Variants in CRACD observed in about 807,000 individuals in gnomAD.
CRACD encodes the protein capping protein inhibiting regulator of actin dynamics.
A neutral mutation model predicts 106.8 loss-of-function variants in CRACD; 56 were observed. The ratio of observed to expected loss-of-function variants is 0.52; its 90% confidence interval spans 0.42 to 0.66. CRACD has a LOEUF of 0.66. CRACD is among the 30% of genes least tolerant of loss of function. The pLI is 0.00. For missense variants in CRACD, 1,730 were observed against 1,623.2 expected (o/e 1.07, Z -1.13); for synonymous variants, 754 against 670.8 (o/e 1.12, Z -1.92).
At position 56,125,764 on chromosome 4, in the gene CRACD, CTTTTTTTTTT is replaced by C. The variant is rs11289899; in HGVS notation, c.-335-53505_-335-53496del. ...ATAATCTATTACTGTCATTCTTCTT[CTTTTTTTTTT>C]TTTTTTTTTTTTTTGAGATGGAGTT... On this transcript the variant is annotated intron_variant, in intron 1 of 10. Transcript: ENST00000682029. 3.0e-3 allele frequency among the ~76,000 whole-genome samples: 217 copies of C among 73,312 alleles called. 2 individuals carry two copies. In the Middle Eastern group the frequency reaches 0.035, roughly 12 times the overall value. The allele number at this position is 73,312 out of a possible 152,430, so 48.1% of individuals were successfully genotyped here. A position where few individuals can be genotyped will look rare whatever the true frequency, so the allele number is the denominator to read the frequency against.
chr4:56,117,966 C>G (rs962288503), intron 1 of CRACD, among the ~76,000 whole-genome samples: 2 of 152,222 alleles, frequency 1.3e-5, no homozygotes, highest in African/African-American at 4.8e-5. Flanking sequence ...ACCATGTTAT[C>G]CAGGCTGGTC....
chr4:56,327,324 A>G (rs1746512406), intron 10 of CRACD, among the ~76,000 whole-genome samples: 1 of 152,096 alleles, frequency 6.6e-6, no homozygotes. Context: ...ATAAATCAAA[A>G]TATGGCTGGG....
chr4:56,316,625 T>G lies in CRACD; in HGVS notation c.3123T>G (p.Ala1041=). 3 of 1,613,062 alleles carry G rather than the reference T, an allele frequency of 1.9e-6. No individual in the cohort carries two copies. Among genetic ancestry groups the G allele is most frequent in the Non-Finnish European group, 2.5e-6 (3 of 1,179,890 alleles). The change falls in exon 8 of 11, where the codon GCT becomes GCG. Residue 1041 remains alanine, a synonymous_variant. Transcript: ENST00000682029. ...AAGAGGCGACAGAGAGGAAACCTGC[T>G]TCCCCACCTCTGCCTGCCACTCAGC... ...EEEEATERKP[A]SPPLPATQQE... is the part of the protein sequence containing the mutation.
chr4:56,308,334 T>G lies in CRACD; in HGVS notation c.285+635T>G, dbSNP rs575623520. ...CTGTCTAAATTTGATCTCTTGACAC[T>G]TTGAGCATATCCTGAAATGAGAGTT... On this transcript the variant is annotated intron_variant, in intron 5 of 10. Coordinates refer to ENST00000682029, the MANE Select transcript of CRACD (RefSeq NM_001393381.1). Among the ~76,000 whole-genome samples the G allele has an allele frequency of 2.6e-5, 4 of 151,958 alleles. No individual in the cohort carries two copies. The South Asian group carries it at 8.3e-4, about 32-fold the overall frequency.
intron 2 of CRACD, among the ~76,000 whole-genome samples, chr4:56,258,547 T>C (rs1021970961): frequency 3.3e-5 from 5 of 152,200 alleles, no homozygotes; most frequent in African/African-American, 4.8e-5. Context: ...CTATGTCTAG[T>C]TGACTGAGGG....
At chr4:56,125,385 T>C (rs1734623997) in intron 1 of CRACD, among the ~76,000 whole-genome samples, 1 of 152,182 alleles carries the variant, frequency 6.6e-6, no homozygotes. Context: ...CATTTTATAC[T>C]CATGGATTTT....
At chr4:56,090,939 A>C (rs1045700222) in intron 1 of CRACD, among the ~76,000 whole-genome samples, 9 of 152,196 alleles carry the variant, frequency 5.9e-5, no homozygotes, top group Admixed American at 2.6e-4. Flanking sequence ...TCTTTCTGAG[A>C]TCCAACTGGG....
intron 1 of CRACD, among the ~76,000 whole-genome samples, chr4:56,090,673 G>A (rs1433956860): frequency 6.6e-6 from 1 of 152,152 alleles, no homozygotes; most frequent in Non-Finnish European, 1.5e-5. Flanking sequence ...GGGGTTATAT[G>A]TGTAAGCCAC....
intron 5 of CRACD, among the ~76,000 whole-genome samples, 153 bp downstream of exon 5, chr4:56,307,852 T>TA (rs1158290997): frequency 1.3e-5 from 2 of 152,190 alleles, no homozygotes; most frequent in African/African-American, 4.8e-5. Context: ...GTAGGTGTCC[T>TA]GACCTGTAGC....
chr4:56,107,698 T>C (rs906019841), intron 1 of CRACD, among the ~76,000 whole-genome samples: 2 of 152,094 alleles, frequency 1.3e-5, no homozygotes, highest in African/African-American at 4.8e-5. Context: ...CATTTTACCT[T>C]AGGGAAGGAG....
intron 5 of CRACD, among the ~76,000 whole-genome samples, chr4:56,308,502 AC>A (rs956994301): frequency 1.4e-5 from 2 of 142,246 alleles, no homozygotes; most frequent in African/African-American, 5.1e-5. Context: ...CAAAAAAAAA[AC>A]CCATTCTCTA....
intron 1 of CRACD, among the ~76,000 whole-genome samples, chr4:56,146,349 T>C (rs1735379092): frequency 6.6e-6 from 1 of 151,984 alleles, no homozygotes; most frequent in Non-Finnish European, 1.5e-5. Flanking sequence ...GTCTGATATG[T>C]ATTTTTGCCC....
intron 1 of CRACD, among the ~76,000 whole-genome samples, chr4:56,067,192 GA>G (rs981837309): frequency 2.2e-4 from 32 of 148,014 alleles, no homozygotes; most frequent in South Asian, 1.1e-3. Context: ...ATCCAGAAGA[GA>G]AAAAAAAAAT....
intron 2 of CRACD, among the ~76,000 whole-genome samples, chr4:56,267,721 G>A (rs757252045): frequency 6.6e-5 from 10 of 152,162 alleles, no homozygotes; most frequent in Non-Finnish European, 8.8e-5. Context: ...CTGAAACAGC[G>A]TTCCCATGTC....
At chr4:56,154,747 A>G (rs10002837) in intron 1 of CRACD, among the ~76,000 whole-genome samples, 41,580 of 152,010 alleles carry the variant, frequency 0.27, 5,932 homozygotes, top group South Asian at 0.31. Context: ...AGAAATGTAG[A>G]GTGGGAAAAT....
intron 2 of CRACD, among the ~76,000 whole-genome samples, chr4:56,245,157 T>C (rs1294979805): frequency 6.6e-6 from 1 of 152,234 alleles, no homozygotes; most frequent in Non-Finnish European, 1.5e-5. Context: ...ATGGAGTGTA[T>C]CACTTCCTAT....
chr4:56,071,902 C>T (rs952676229), intron 1 of CRACD, among the ~76,000 whole-genome samples: 48 of 151,620 alleles, frequency 3.2e-4, no homozygotes, highest in African/African-American at 9.7e-4. Flanking sequence ...CCGAGGCGGG[C>T]GGATCATGAG....
chr4:56,271,868 C>A (rs1742367753), intron 2 of CRACD, among the ~76,000 whole-genome samples: 1 of 152,188 alleles, frequency 6.6e-6, no homozygotes. Flanking sequence ...CCTCAGCTTC[C>A]TAAGTAGCCA....
At chr4:56,072,767 C>G (rs1039948266) in intron 1 of CRACD, among the ~76,000 whole-genome samples, 1 of 152,110 alleles carries the variant, frequency 6.6e-6, no homozygotes, top group African/African-American at 2.4e-5. Context: ...TTTCCCCACC[C>G]CAGACAGGCC....
Sources: allele counts gnomAD v4.1 joint callset (sites outside exome capture counted in the v4.1 genomes callset), GRCh38; gene constraint gnomAD v4.1.1; transcripts MANE v1.5; gene names NCBI Gene and HGNC (gene_info 2026-07-23, HGNC 2026-07-21).